GABRB2: variants seen among roughly 807,000 people sequenced by gnomAD.
GABRB2 encodes gamma-aminobutyric acid type A receptor subunit beta2.
A neutral mutation model predicts 54.7 loss-of-function variants in GABRB2; 16 were observed. The observed-to-expected ratio is 0.29, with a 90% CI of 0.20 to 0.44. GABRB2 has a LOEUF of 0.44. GABRB2 is among the 20% of genes least tolerant of loss of function. The pLI is 1.00. For missense variants in GABRB2, 355 were observed against 644.0 expected (o/e 0.55, Z 4.86); for synonymous variants, 244 against 233.8 (o/e 1.04, Z -0.40).
At chr5:161,534,557 A>T (rs377623588) in intron 3 of GABRB2, among the ~76,000 whole-genome samples, 4 of 152,316 alleles carry the variant, frequency 2.6e-5, no homozygotes, top group African/African-American at 9.6e-5. Context: ...TTTCACTTGC[A>T]GGGTAAATGC....
chr5:161,439,869 C>T (rs922339608), intron 4 of GABRB2, among the ~76,000 whole-genome samples: 4 of 151,740 alleles, frequency 2.6e-5, no homozygotes, highest in East Asian at 3.9e-4. Flanking sequence ...CTAATGGATG[C>T]TGGGCTTAAT....
chr5:161,432,811 G>A (rs929563558), intron 4 of GABRB2, among the ~76,000 whole-genome samples: 1 of 151,974 alleles, frequency 6.6e-6, no homozygotes. Flanking sequence ...TCACCACACC[G>A]CTGACTGCCA....
At chr5:161,519,599 A>G (rs2113426145) in intron 3 of GABRB2, among the ~76,000 whole-genome samples, 1 of 152,254 alleles carries the variant, frequency 6.6e-6, no homozygotes, top group South Asian at 2.1e-4. Context: ...TTACTTGTAA[A>G]TCTCATCAAA....
chr5:161,497,001 T>C (rs1759269826), intron 3 of GABRB2, among the ~76,000 whole-genome samples: 1 of 152,138 alleles, frequency 6.6e-6, no homozygotes, highest in East Asian at 1.9e-4. Context: ...ATTTTTCCAT[T>C]CACAAAGTAC....
chr5:161,324,961 A>T (rs1211848395), intron 9 of GABRB2, among the ~76,000 whole-genome samples: 1 of 152,114 alleles, frequency 6.6e-6, no homozygotes, highest in African/African-American at 2.4e-5. Flanking sequence ...TCAACTGCAC[A>T]CTTTAATGCA....
At chr5:161,510,779 G>A (rs533849949) in intron 3 of GABRB2, among the ~76,000 whole-genome samples, 5 of 151,852 alleles carry the variant, frequency 3.3e-5, no homozygotes, top group African/African-American at 1.2e-4. Context: ...CTACCCTTAT[G>A]TCCAGCATTT....
At chr5:161,494,278 T>C (rs941403259) in intron 3 of GABRB2, among the ~76,000 whole-genome samples, 5 of 151,846 alleles carry the variant, frequency 3.3e-5, no homozygotes, top group Admixed American at 6.6e-5. Context: ...AAACATTATA[T>C]GAGTTATTAG....
chr5:161,294,794 G>T (rs1162211313), intron 9 of GABRB2, among the ~76,000 whole-genome samples: 3 of 152,134 alleles, frequency 2.0e-5, no homozygotes, highest in Admixed American at 6.5e-5. Context: ...ATTAAGCTGT[G>T]CTAGGCATGC....
At chr5:161,471,954 C>T in intron 3 of GABRB2, among the ~76,000 whole-genome samples, 1 of 151,750 alleles carries the variant, frequency 6.6e-6, no homozygotes, top group East Asian at 1.9e-4. Flanking sequence ...TTAATCATCA[C>T]AATAGCACTA....
At chr5:161,418,318 T>C (rs1756741850) in intron 4 of GABRB2, among the ~76,000 whole-genome samples, 1 of 152,198 alleles carries the variant, frequency 6.6e-6, no homozygotes, top group Non-Finnish European at 1.5e-5. Flanking sequence ...TCATATTACA[T>C]TCCTGGCGGT....
At chr5:161,372,756 G>A (rs910487972) in intron 5 of GABRB2, among the ~76,000 whole-genome samples, 15 of 152,122 alleles carry the variant, frequency 9.9e-5, no homozygotes, top group African/African-American at 3.1e-4. Context: ...AATTCCAGCT[G>A]GGTATTGTAA....
intron 5 of GABRB2, among the ~76,000 whole-genome samples, chr5:161,395,950 G>A (rs889580334): frequency 1.3e-5 from 2 of 152,134 alleles, no homozygotes; most frequent in Non-Finnish European, 2.9e-5. Context: ...AAGATTTTAA[G>A]TGGAAGGTCC....
At chr5:161,425,168 A>G (rs1195751875) in intron 4 of GABRB2, among the ~76,000 whole-genome samples, 1 of 152,142 alleles carries the variant, frequency 6.6e-6, no homozygotes, top group Non-Finnish European at 1.5e-5. Flanking sequence ...TGAAATAACA[A>G]TGAAGAACTT....
At chr5:161,353,573 G>A (rs913138308) in intron 5 of GABRB2, among the ~76,000 whole-genome samples, 1 of 151,982 alleles carries the variant, frequency 6.6e-6, no homozygotes, top group African/African-American at 2.4e-5. Flanking sequence ...GCTGTTACTG[G>A]CCTCCTGAAT....
intron 5 of GABRB2, among the ~76,000 whole-genome samples, chr5:161,390,477 C>A (rs1315103880): frequency 2.6e-5 from 4 of 151,944 alleles, no homozygotes; most frequent in African/African-American, 9.7e-5. Context: ...GATTCATGAA[C>A]AGAAAAAGAC....
chr5:161,539,878 C>T (rs904350960), intron 3 of GABRB2, among the ~76,000 whole-genome samples: 12 of 152,202 alleles, frequency 7.9e-5, no homozygotes, highest in Admixed American at 4.6e-4. Flanking sequence ...TAAAAATGTA[C>T]ATACCGTAAT....
intron 3 of GABRB2, among the ~76,000 whole-genome samples, chr5:161,503,645 G>A (rs1450724197): frequency 4.0e-5 from 6 of 148,842 alleles, no homozygotes; most frequent in Non-Finnish European, 7.4e-5. Flanking sequence ...GGAGGCAGAG[G>A]TTGCAGTGAG....
intron 9 of GABRB2, among the ~76,000 whole-genome samples, chr5:161,298,612 G>A (rs748174210): frequency 4.6e-5 from 7 of 152,134 alleles, no homozygotes; most frequent in Non-Finnish European, 1.0e-4. Context: ...GGAACTTCTG[G>A]GACCACCTCT....
chr5:161,429,354 A>AAAAAAAAAAAAAAG (rs1561646885), intron 4 of GABRB2, among the ~76,000 whole-genome samples: 17 of 149,068 alleles, frequency 1.1e-4, no homozygotes, highest in African/African-American at 4.2e-4. Flanking sequence ...TCAAAAAAAA[A>AAAAAAAAAAAAAAG]AAAAGAAAAA....
Sources: gnomAD v4.1 joint callset for allele counts (sites outside exome capture counted in the v4.1 genomes callset) on GRCh38, gnomAD v4.1.1 for gene constraint, MANE v1.5 for transcripts, NCBI Gene and HGNC (gene_info 2026-07-23, HGNC 2026-07-21) for gene names.